Variants in TCF12 observed in about 807,000 individuals in gnomAD.
TCF12 encodes the protein transcription factor 12, also known as DNA-binding protein HTF4.
Under a neutral mutation model 86.0 loss-of-function variants are expected in TCF12, and 45 were observed. That is an observed-to-expected ratio of 0.52 (90% CI 0.41 to 0.67). The LOEUF is 0.67. TCF12 is among the 30% of genes least tolerant of loss of function. The pLI is 0.00. For synonymous variants in TCF12, 330 were observed against 299.6 expected (o/e 1.10, Z -1.05); for missense variants, 881 against 859.9 (o/e 1.02, Z -0.31).
chr15:57,240,367 T>G (rs1016115118), intron 12 of TCF12, among the ~76,000 whole-genome samples: 7 of 151,936 alleles, frequency 4.6e-5, no homozygotes, highest in Non-Finnish European at 7.4e-5. Flanking sequence ...AAAGAAGGAG[T>G]ATGTAACAGA....
At chr15:57,021,391 G>A (rs559704562) in intron 3 of TCF12, among the ~76,000 whole-genome samples, 8 of 152,304 alleles carry the variant, frequency 5.3e-5, no homozygotes, top group South Asian at 2.1e-4. Context: ...GGTGGCTCAC[G>A]CCTGTAATCC....
intron 3 of TCF12, among the ~76,000 whole-genome samples, chr15:56,951,116 A>G (rs1798519486): frequency 6.6e-6 from 1 of 152,048 alleles, no homozygotes; most frequent in Middle Eastern, 3.2e-3. Context: ...TATATCTTCA[A>G]CTCACTAAGA....
chr15:57,243,468 T>A lies in TCF12; in HGVS notation c.1036-4T>A, dbSNP rs2059721304. The A allele has an allele frequency of 6.2e-7, 1 of 1,612,996 alleles. No individual in the cohort carries two copies. Among genetic ancestry groups the A allele is most frequent in the African/African-American group, 1.3e-5 (1 of 74,902 alleles). On this transcript the variant is annotated splice_region_variant and splice_polypyrimidine_tract_variant and intron_variant, in intron 12 of 20. Coordinates refer to ENST00000333725, the MANE Select transcript of TCF12 (RefSeq NM_207037.2). Reference sequence around the variant, plus strand: ...TACATGTATATTTCTTGTTTTCTGGTTAGATTTATTCTCCTGACCATACCA... The same window carrying A: ...TACATGTATATTTCTTGTTTTCTGGATAGATTTATTCTCCTGACCATACCA...
intron 5 of TCF12, among the ~76,000 whole-genome samples, chr15:57,103,400 A>G (rs1234138890): frequency 6.6e-6 from 1 of 152,092 alleles, no homozygotes; most frequent in Admixed American, 6.6e-5. Context: ...TTTAATTGGG[A>G]CCCTGCCTCT....
intron 3 of TCF12, among the ~76,000 whole-genome samples, chr15:57,021,838 G>T (rs1431963022): frequency 2.0e-5 from 3 of 151,990 alleles, no homozygotes; most frequent in Middle Eastern, 3.4e-3. Context: ...TCCTATAGGC[G>T]GGTTCCACAG....
chr15:56,925,635 T>G (rs1419743950), intron 3 of TCF12, among the ~76,000 whole-genome samples: 16 of 152,212 alleles, frequency 1.1e-4, no homozygotes, highest in African/African-American at 3.6e-4. Context: ...TGTCAAAGAC[T>G]TGGGTAATCT....
At position 56,971,086 on chromosome 15, in the gene TCF12, A is replaced by T. The variant is rs368046245; in HGVS notation, c.148+49988A>T. Among the ~76,000 whole-genome samples, 17 of 152,256 alleles carry T rather than the reference A, an allele frequency of 1.1e-4. No individual in the cohort carries two copies. The East Asian group carries it at 2.9e-3, about 26-fold the overall frequency. On this transcript the variant is annotated intron_variant, in intron 3 of 20. Coordinates refer to ENST00000333725, the MANE Select transcript of TCF12 (RefSeq NM_207037.2). ...ACAAAAAATTGTAAGAAAAACATTT[A>T]TCACAGAAATAAGGGCTATCCTTCA...
intron 3 of TCF12, among the ~76,000 whole-genome samples, chr15:56,944,318 T>A (rs761845829): frequency 1.8e-4 from 28 of 152,174 alleles, no homozygotes; most frequent in Non-Finnish European, 3.7e-4. Flanking sequence ...GGAACAGAAT[T>A]AAGTGATTGA....
At chr15:57,099,352 CAGA>C (rs1297571625) in intron 5 of TCF12, among the ~76,000 whole-genome samples, 2 of 152,034 alleles carry the variant, frequency 1.3e-5, no homozygotes, top group Non-Finnish European at 2.9e-5. Flanking sequence ...TGTATGGACT[CAGA>C]TCCCTCTTAT....
chr15:56,967,601 T>C (rs1041609999), intron 3 of TCF12, among the ~76,000 whole-genome samples: 3 of 152,228 alleles, frequency 2.0e-5, no homozygotes, highest in South Asian at 4.1e-4. Context: ...GGTTTTTTGC[T>C]CACTTTTATA....
At chr15:57,052,605 C>T (rs2067712093) in intron 3 of TCF12, among the ~76,000 whole-genome samples, 1 of 150,380 alleles carries the variant, frequency 6.6e-6, no homozygotes, top group South Asian at 2.1e-4. Flanking sequence ...CCATTGCACT[C>T]CAGCCTGGGT....
At chr15:57,278,575 G>C (rs959390297) in intron 19 of TCF12, 2 of 205,594 alleles carry the variant, frequency 9.7e-6, no homozygotes, top group African/African-American at 4.6e-5. Flanking sequence ...GTTGAGGTCA[G>C]ATGGGTAATG....
Position 57,221,170 on chromosome 15 carries a change from A to G in TCF12, c.580-9982A>G, listed in dbSNP as rs576957023. ...GCTTTCAAAAAAGATAAGCAAGTCA[A>G]AATATCTTTAAACTCATTAAAAAGT... On this transcript the variant is annotated intron_variant, in intron 8 of 20. Coordinates refer to ENST00000333725, the MANE Select transcript of TCF12 (RefSeq NM_207037.2). Among the ~76,000 whole-genome samples, 4 of 152,326 alleles carry G rather than the reference A, an allele frequency of 2.6e-5. No individual in the cohort carries two copies. In the South Asian group the frequency reaches 8.3e-4, roughly 32 times the overall value.
chr15:57,217,941 A>C (rs2058398997), intron 8 of TCF12, among the ~76,000 whole-genome samples: 1 of 152,182 alleles, frequency 6.6e-6, no homozygotes, highest in Non-Finnish European at 1.5e-5. Context: ...GCATTTTAAT[A>C]GTCTGCTGTA....
At chr15:56,980,287 G>A (rs2062829983) in intron 3 of TCF12, among the ~76,000 whole-genome samples, 1 of 152,174 alleles carries the variant, frequency 6.6e-6, no homozygotes, top group Non-Finnish European at 1.5e-5. Flanking sequence ...TTTAATTGCT[G>A]TTGTAACAGT....
intron 5 of TCF12, among the ~76,000 whole-genome samples, chr15:57,134,050 T>A (rs1233995813): frequency 6.6e-6 from 1 of 152,228 alleles, no homozygotes. Context: ...AGAGTGGTGG[T>A]TTATTTATTG....
chr15:57,082,327 C>A (rs994092431), intron 4 of TCF12, among the ~76,000 whole-genome samples: 5 of 152,182 alleles, frequency 3.3e-5, no homozygotes, highest in Admixed American at 2.6e-4. Context: ...CACTGGCTAT[C>A]AAGATAGGAT....
intron 3 of TCF12, among the ~76,000 whole-genome samples, chr15:56,986,517 A>G (rs2063185990): frequency 6.6e-6 from 1 of 152,184 alleles, no homozygotes; most frequent in Non-Finnish European, 1.5e-5. Flanking sequence ...TTAAGTCAAA[A>G]AAGCAGCTCA....
At chr15:57,187,218 T>A (rs2056724994) in intron 6 of TCF12, among the ~76,000 whole-genome samples, 1 of 151,240 alleles carries the variant, frequency 6.6e-6, no homozygotes, top group African/African-American at 2.4e-5. Context: ...CACTCTTTCA[T>A]GATGATAACA....
Sources: gnomAD v4.1 joint callset for allele counts (sites outside exome capture counted in the v4.1 genomes callset) on GRCh38, gnomAD v4.1.1 for gene constraint, MANE v1.5 for transcripts, NCBI Gene and HGNC (gene_info 2026-07-23, HGNC 2026-07-21) for gene names.